Variants in HDAC9 observed in about 807,000 individuals in gnomAD.
HDAC9 encodes MEF-2 interacting transcription repressor (MITR) protein.
A neutral mutation model predicts 139.4 loss-of-function variants in HDAC9; 41 were observed. The observed-to-expected ratio is 0.29, with a 90% CI of 0.23 to 0.38. HDAC9 has a LOEUF of 0.38. HDAC9 is among the 10% of genes least tolerant of loss of function. The pLI, the probability that HDAC9 is intolerant of heterozygous loss-of-function variation, is 1.00. For missense variants in HDAC9, 1,147 were observed against 1,297.0 expected (o/e 0.88, Z 1.78); for synonymous variants, 517 against 476.2 (o/e 1.09, Z -1.12).
rs150722576 is a variant in HDAC9, at chr7:18,913,426, G to A, written c.2804-22383G>A. The stretch of plus-strand genomic sequence containing the variant: ...TAAGGAATCAGGCTACTTGACATAC[G>A]TGGTACCTCCCTTCTAGACATTTAC... On this transcript the variant is annotated intron_variant, in intron 22 of 25. Transcript: ENST00000686413. Among the ~76,000 whole-genome samples the A allele has an allele frequency of 7.9e-3, 1,200 of 152,206 alleles. 7 individuals are homozygous for A. Among genetic ancestry groups the A allele is most frequent in the Admixed American group, 0.012 (189 of 15,274 alleles).
chr7:18,443,420 G>C (rs1216808280), intron 1 of HDAC9, among the ~76,000 whole-genome samples: 2 of 152,014 alleles, frequency 1.3e-5, no homozygotes, highest in Non-Finnish European at 2.9e-5. Flanking sequence ...GTGTGTTCTA[G>C]GAAGAACACA....
At chr7:18,745,410 G>T (rs1787846505) in intron 13 of HDAC9, among the ~76,000 whole-genome samples, 1 of 151,986 alleles carries the variant, frequency 6.6e-6, no homozygotes, top group African/African-American at 2.4e-5. Flanking sequence ...ATTTTTCTTG[G>T]CAGTGGATTA....
chr7:18,859,861 TGA>T (rs1300667259), intron 21 of HDAC9, among the ~76,000 whole-genome samples: 2 of 119,442 alleles, frequency 1.7e-5, no homozygotes, highest in Non-Finnish European at 3.5e-5. Flanking sequence ...TATATATATG[TGA>T]GAGAATGAGA....
intron 2 of HDAC9, among the ~76,000 whole-genome samples, chr7:18,524,863 TACACACACACACAC>T (rs57123600): frequency 6.3e-5 from 8 of 127,646 alleles, no homozygotes; most frequent in African/African-American, 8.7e-5. Context: ...CTTAGTGACA[TACACACACACACAC>T]ACACACACAC....
chr7:18,747,785 A>G (rs1227824988), intron 13 of HDAC9, among the ~76,000 whole-genome samples: 1 of 152,226 alleles, frequency 6.6e-6, no homozygotes, highest in African/African-American at 2.4e-5. Context: ...TTTCTACCAC[A>G]TGGTTTCAAA....
chr7:18,860,869 A>T (rs989737639), intron 21 of HDAC9, among the ~76,000 whole-genome samples: 3 of 152,136 alleles, frequency 2.0e-5, no homozygotes, highest in African/African-American at 7.2e-5. Flanking sequence ...CTAGTGCATT[A>T]TGCTGGCAAA....
intron 11 of HDAC9, among the ~76,000 whole-genome samples, chr7:18,649,644 A>G (rs181142033): frequency 3.7e-4 from 56 of 152,278 alleles, no homozygotes; most frequent in African/African-American, 1.3e-3. Flanking sequence ...AAACAAAATA[A>G]ACTCTCATGG....
intron 1 of HDAC9, among the ~76,000 whole-genome samples, chr7:18,129,340 A>C (rs1784864082): frequency 6.6e-6 from 1 of 152,082 alleles, no homozygotes; most frequent in Non-Finnish European, 1.5e-5. Context: ...GAGTTGTTAT[A>C]ATGTGTCTTT....
intron 24 of HDAC9, among the ~76,000 whole-genome samples, chr7:18,960,197 G>A (rs984889152): frequency 1.3e-5 from 2 of 152,078 alleles, no homozygotes; most frequent in Non-Finnish European, 1.5e-5. Context: ...TATCTCCATG[G>A]TTCCATACCA....
chr7:18,203,935 C>A (rs1265188199), intron 2 of HDAC9, among the ~76,000 whole-genome samples: 1 of 152,102 alleles, frequency 6.6e-6, no homozygotes, highest in Non-Finnish European at 1.5e-5. Flanking sequence ...GATAGCCTAC[C>A]TTTTCTCCAA....
intron 17 of HDAC9, among the ~76,000 whole-genome samples, chr7:18,815,743 A>C (rs1382863352): frequency 6.6e-6 from 1 of 152,208 alleles, no homozygotes; most frequent in African/African-American, 2.4e-5. Flanking sequence ...TCCACCATCC[A>C]GTTACATTTC....
At chr7:18,771,706 A>C (rs1219543381) in intron 16 of HDAC9, among the ~76,000 whole-genome samples, 1 of 152,088 alleles carries the variant, frequency 6.6e-6, no homozygotes, top group African/African-American at 2.4e-5. Context: ...GTACCAGTAA[A>C]TAGTATTCTA....
intron 1 of HDAC9, among the ~76,000 whole-genome samples, chr7:18,304,019 G>T (rs1217006836): frequency 6.6e-6 from 1 of 152,244 alleles, no homozygotes; most frequent in Non-Finnish European, 1.5e-5. Context: ...CAGCAGCTTA[G>T]TATAAACCCT....
chr7:18,855,958 T>C (rs1203353966), intron 21 of HDAC9, among the ~76,000 whole-genome samples: 1 of 152,260 alleles, frequency 6.6e-6, no homozygotes, highest in African/African-American at 2.4e-5. Flanking sequence ...TTTACTCTAA[T>C]GACCTTGACT....
At chr7:18,948,930 G>T in intron 23 of HDAC9, 1 of 339,554 alleles carries the variant, frequency 2.9e-6, no homozygotes, top group South Asian at 2.9e-5. Context: ...CAGAGATCTT[G>T]AATAGCCTCT....
intron 23 of HDAC9, chr7:18,949,001 A>G: frequency 2.5e-6 from 1 of 399,728 alleles, no homozygotes; most frequent in South Asian, 2.0e-5. Context: ...CAATTTGGGA[A>G]GAGAACCACC....
At chr7:18,908,202 G>A (rs1446042900) in intron 22 of HDAC9, among the ~76,000 whole-genome samples, 1 of 151,842 alleles carries the variant, frequency 6.6e-6, no homozygotes, top group Non-Finnish European at 1.5e-5. Context: ...GTGCCTTTAT[G>A]TATTCAGAGC....
intron 6 of HDAC9, among the ~76,000 whole-genome samples, chr7:18,598,876 G>A (rs1349160281): frequency 2.0e-5 from 3 of 152,178 alleles, no homozygotes; most frequent in African/African-American, 7.2e-5. Flanking sequence ...TGGTATTTCA[G>A]AGCTCACTAT....
intron 3 of HDAC9, among the ~76,000 whole-genome samples, chr7:18,589,067 C>T (rs1295684778): frequency 6.6e-6 from 1 of 152,104 alleles, no homozygotes; most frequent in Non-Finnish European, 1.5e-5. Flanking sequence ...GGAAGTATGG[C>T]TCCGAGTAGT....
Sources: allele counts gnomAD v4.1 joint callset (sites outside exome capture counted in the v4.1 genomes callset), GRCh38; gene constraint gnomAD v4.1.1; transcripts MANE v1.5; gene names NCBI Gene and HGNC (gene_info 2026-07-23, HGNC 2026-07-21).